MIPOL1: variants seen among roughly 807,000 people sequenced by gnomAD.
MIPOL1 encodes mirror-image polydactyly 1.
A neutral mutation model predicts 60.9 loss-of-function variants in MIPOL1; 57 were observed. The ratio of observed to expected loss-of-function variants is 0.94; its 90% CI spans 0.76 to 1.17. The LOEUF is 1.17. Ranked by LOEUF, MIPOL1 falls within the 50% of genes most tolerant of loss-of-function variation. The pLI is 0.00. For synonymous variants in MIPOL1, 179 were observed against 168.8 expected (o/e 1.06, Z -0.47); for missense variants, 551 against 511.6 (o/e 1.08, Z -0.74).
intron 12 of MIPOL1, 125 bp downstream of exon 12, chr14:37,500,263 C>G: frequency 1.3e-6 from 1 of 746,930 alleles, no homozygotes; most frequent in Non-Finnish European, 2.1e-6. Context: ...GTAGAATTAA[C>G]CCAGTGAACT....
chr14:37,374,971 G>C (rs890269952), intron 10 of MIPOL1, among the ~76,000 whole-genome samples: 1 of 152,012 alleles, frequency 6.6e-6, no homozygotes, highest in Non-Finnish European at 1.5e-5. Flanking sequence ...AATTACCTTG[G>C]GCAATATGGC....
chr14:37,427,248 A>C (rs1011842329), intron 11 of MIPOL1, among the ~76,000 whole-genome samples: 17 of 152,332 alleles, frequency 1.1e-4, no homozygotes, highest in African/African-American at 4.1e-4. Flanking sequence ...AAAACAAATG[A>C]AATTCTAATA....
chr14:37,415,913 T>C (rs1483321034), intron 10 of MIPOL1, among the ~76,000 whole-genome samples: 1 of 152,180 alleles, frequency 6.6e-6, no homozygotes, highest in Non-Finnish European at 1.5e-5. Context: ...GCTGTGTCTA[T>C]GTATAACTGT....
At chr14:37,529,273 C>T (rs1370999543) in intron 12 of MIPOL1, among the ~76,000 whole-genome samples, 2 of 152,120 alleles carry the variant, frequency 1.3e-5, no homozygotes, top group Non-Finnish European at 2.9e-5. Context: ...ATTTTCATCT[C>T]TGTTACCGTT....
chr14:37,475,811 G>T (rs2094764107), intron 11 of MIPOL1, among the ~76,000 whole-genome samples: 2 of 152,172 alleles, frequency 1.3e-5, no homozygotes, highest in Admixed American at 6.5e-5. Flanking sequence ...ACACAATGCT[G>T]TCTTGATTAC....
intron 9 of MIPOL1, among the ~76,000 whole-genome samples, chr14:37,355,277 C>T (rs2091721243): frequency 8.0e-6 from 1 of 125,342 alleles, no homozygotes; most frequent in Non-Finnish European, 1.7e-5. Flanking sequence ...GAGAGATCTG[C>T]TGTTAGTCTG....
chr14:37,412,020 C>A (rs2093688751), intron 10 of MIPOL1, among the ~76,000 whole-genome samples: 3 of 152,030 alleles, frequency 2.0e-5, no homozygotes, highest in Admixed American at 1.3e-4. Context: ...TTTCATGCTA[C>A]CAATGAGAAA....
chr14:37,268,704 C>G lies in MIPOL1; in HGVS notation c.298C>G (p.Pro100Ala), dbSNP rs142664639. Reference sequence around the variant, plus strand: ...TGATATGCATTATGAATGTATGACTCCTTGTCAAGTTACTTCAGACTCAGA... The same window carrying G: ...TGATATGCATTATGAATGTATGACTGCTTGTCAAGTTACTTCAGACTCAGA... ...HNDMHYECMT[P>A]CQVTSDSDKE... The change falls in exon 5 of 13, where the codon CCT becomes GCT. Residue 100 changes from proline to alanine, a missense_variant. Coordinates refer to ENST00000684589, the MANE Select transcript of MIPOL1 (RefSeq NM_001388067.1). 6.3e-5 allele frequency: 101 copies of G among 1,602,308 alleles called. No individual in the cohort carries two copies. Among genetic ancestry groups the G allele is most frequent in the Non-Finnish European group, 7.7e-5 (90 of 1,172,674 alleles).
chr14:37,509,009 C>G (rs370849048), intron 12 of MIPOL1, among the ~76,000 whole-genome samples: 52 of 152,058 alleles, frequency 3.4e-4, no homozygotes, highest in African/African-American at 1.7e-4. Context: ...TGTTCCTACT[C>G]CATTTCTTTC....
intron 9 of MIPOL1, among the ~76,000 whole-genome samples, chr14:37,326,812 T>C (rs1343930557): frequency 6.6e-6 from 1 of 152,356 alleles, no homozygotes; most frequent in East Asian, 1.9e-4. Context: ...ATTAAAGCCC[T>C]CCTCTGCTAT....
At chr14:37,451,806 CTCTTTTTT>C (rs2094421066) in intron 11 of MIPOL1, among the ~76,000 whole-genome samples, 2 of 106,182 alleles carry the variant, frequency 1.9e-5, no homozygotes, top group African/African-American at 4.7e-5. Context: ...TGTTTATTCT[CTCTTTTTT>C]TTTTTTTTTT....
chr14:37,350,568 T>C (rs1217821565), intron 9 of MIPOL1, among the ~76,000 whole-genome samples: 1 of 152,230 alleles, frequency 6.6e-6, no homozygotes, highest in East Asian at 1.9e-4. Flanking sequence ...CATTTATCCA[T>C]TGTGTTACAA....
intron 9 of MIPOL1, among the ~76,000 whole-genome samples, chr14:37,362,610 A>G (rs1258489140): frequency 6.6e-6 from 1 of 152,104 alleles, no homozygotes; most frequent in East Asian, 1.9e-4. Flanking sequence ...CTCAAGCAGT[A>G]TCTTTGTGGT....
intron 12 of MIPOL1, among the ~76,000 whole-genome samples, chr14:37,517,958 T>G (rs1256282858): frequency 1.3e-5 from 2 of 152,166 alleles, no homozygotes; most frequent in African/African-American, 4.8e-5. Context: ...TTTACATATT[T>G]AGAAATTGAA....
intron 9 of MIPOL1, among the ~76,000 whole-genome samples, chr14:37,339,609 G>A (rs990435584): frequency 1.3e-5 from 2 of 152,068 alleles, no homozygotes; most frequent in Non-Finnish European, 2.9e-5. Context: ...GCATAAAATG[G>A]AATACTATTT....
At chr14:37,299,423 A>C (rs555721018) in intron 7 of MIPOL1, among the ~76,000 whole-genome samples, 2 of 150,936 alleles carry the variant, frequency 1.3e-5, no homozygotes, top group African/African-American at 4.9e-5. Context: ...CATGTACCCT[A>C]AAACTTAAAG....
intron 12 of MIPOL1, chr14:37,502,041 G>C (rs545665850): frequency 3.3e-5 from 5 of 152,500 alleles, no homozygotes; most frequent in African/African-American, 1.2e-4. Flanking sequence ...AGCCTGGCAG[G>C]GGGAGGGGCG....
chr14:37,402,203 T>G (rs987188716), intron 10 of MIPOL1, among the ~76,000 whole-genome samples: 1 of 152,184 alleles, frequency 6.6e-6, no homozygotes, highest in African/African-American at 2.4e-5. Context: ...GAACAGTTAT[T>G]GAAGACATCT....
intron 12 of MIPOL1, among the ~76,000 whole-genome samples, chr14:37,524,568 TTC>T (rs202090717): frequency 0.011 from 1,549 of 135,894 alleles, 99 homozygotes; most frequent in African/African-American, 0.036. Context: ...TCTTTTTCTT[TTC>T]TTTTTTTTTT....
Sources: gnomAD v4.1 joint callset for allele counts (sites outside exome capture counted in the v4.1 genomes callset) on GRCh38, gnomAD v4.1.1 for gene constraint, MANE v1.5 for transcripts, NCBI Gene and HGNC (gene_info 2026-07-23, HGNC 2026-07-21) for gene names.